The following PYGM variants were observed in gnomAD, a reference collection of about 807,000 sequenced individuals.
PYGM encodes glycogen phosphorylase, muscle associated.
Under a neutral mutation model 99.3 loss-of-function variants are expected in PYGM, and 81 were observed. The ratio of observed to expected loss-of-function variants is 0.82; its 90% confidence interval spans 0.68 to 0.98. PYGM has a LOEUF of 0.98. Among genes scored for constraint, PYGM ranks in the 50% least tolerant of loss-of-function variants. The pLI is 0.00. For synonymous variants in PYGM, 436 were observed against 451.5 expected (o/e 0.97, Z 0.44); for missense variants, 1,030 against 1,158.1 (o/e 0.89, Z 1.61).
chr11:64,753,397 C>T (rs1434515967), intron 11 of PYGM, 122 bp downstream of exon 11: 3 of 1,388,296 alleles, frequency 2.2e-6, no homozygotes, highest in Admixed American at 2.1e-5. Context: ...ATGACGCCAC[C>T]TGTGAAAGGC....
rs753533515 is a variant in PYGM, at chr11:64,757,781, G to T, written c.658C>A (p.Gln220Lys). The T allele has an allele frequency of 4.1e-5, 66 of 1,613,992 alleles. No homozygotes were observed. Among genetic ancestry groups the T allele is most frequent in the Non-Finnish European group, 5.2e-5 (61 of 1,180,012 alleles). The change falls in exon 5 of 20, where the codon CAG (glutamine) becomes AAG (lysine). Residue 220 changes from glutamine to lysine, a missense_variant and splice_region_variant. Transcript: ENST00000164139. ...CTGACCCCCAGCTTCATCCTCACCT[G>T]TGTGTCCACCCACTTGGCACCCTGG... ...TSQGAKWVDT[Q>K]VVLAMPYDTP...
At position 64,758,525 on chromosome 11, in the gene PYGM, T is replaced by C; in HGVS notation, c.346-10A>G. The C allele has an allele frequency of 1.2e-6, 2 of 1,613,630 alleles. No homozygotes were observed. Among genetic ancestry groups the C allele is most frequent in the Non-Finnish European group, 1.7e-6 (2 of 1,179,852 alleles). On this transcript the variant is annotated splice_polypyrimidine_tract_variant and intron_variant, in intron 2 of 19. Transcript: ENST00000164139. ...CCATGTCCAGGCCCAGCTGGAGGAG[T>C]GAGGGTGACAGTGGTCAGGGTCAAG...
intron 16 of PYGM, 112 bp downstream of exon 16, chr11:64,751,213 C>T (rs1218879799): frequency 2.9e-5 from 43 of 1,490,612 alleles, no homozygotes; most frequent in Non-Finnish European, 3.5e-5. Flanking sequence ...TAAGCATTGC[C>T]CTCTCCAGAT....
At chr11:64,747,169 A>G in intron 18 of PYGM, 55 bp downstream of exon 18, 1 of 1,605,790 alleles carries the variant, frequency 6.2e-7, no homozygotes, top group African/African-American at 1.3e-5. Context: ...CACACACCTG[A>G]GCCTCGATCT....
In PYGM at chr11:64,754,203, A is replaced by G. The variant is rs760948627; in HGVS notation, c.1092+50T>C. 30 of 1,587,962 alleles carry G rather than the reference A, an allele frequency of 1.9e-5. No individual in the cohort carries two copies. Among genetic ancestry groups the G allele is most frequent in the Non-Finnish European group, 2.6e-5 (30 of 1,156,934 alleles). ...TCCCACGCTCCCAAACTGGGAAGGG[A>G]ACCCCGAGGCAGAGAGCATCAGATG... On this transcript the variant is annotated intron_variant, in intron 9 of 19. Coordinates refer to ENST00000164139, the MANE Select transcript of PYGM (RefSeq NM_005609.4). The surrounding 1 kb of genome is among the most constrained non-coding windows in gnomAD (Gnocchi z 5.5).
chr11:64,754,897 G>C lies in PYGM; in HGVS notation c.856-61C>G. ...TGGGGGCATGGCCTAAAGCTGCGGTGGGTGTGGCCAGGAGGGACTCCCACC... is the reference window on the plus strand; with the variant it reads ...TGGGGGCATGGCCTAAAGCTGCGGTCGGTGTGGCCAGGAGGGACTCCCACC... On this transcript the variant is annotated intron_variant, in intron 7 of 19. Coordinates refer to ENST00000164139, the MANE Select transcript of PYGM (RefSeq NM_005609.4). The surrounding 1 kb of genome is among the most constrained non-coding windows in gnomAD (Gnocchi z 5.5). 1 of 1,601,180 alleles carries C rather than the reference G, an allele frequency of 6.2e-7. No homozygotes were observed. The highest frequency in any genetic ancestry group is 1.1e-5 in the South Asian group (1 of 90,218).
In PYGM at chr11:64,758,432, C is replaced by T. The variant is rs753004994; in HGVS notation, c.424+5G>A. 5 of 1,613,688 alleles carry T rather than the reference C, an allele frequency of 3.1e-6. No homozygotes were observed. The African/African-American group carries it at 4.0e-5, about 13-fold the overall frequency. On this transcript the variant is annotated splice_donor_5th_base_variant and intron_variant, in intron 3 of 19. Transcript: ENST00000164139. Reference sequence around the variant, plus strand: ...CACTCCACCCTCACGGCCCTGTCTTCTTACCTGCCAGCCGGCCCAGGCCCC... The same window carrying T: ...CACTCCACCCTCACGGCCCTGTCTTTTTACCTGCCAGCCGGCCCAGGCCCC...
chr11:64,747,085 G>A (rs2058317092), intron 18 of PYGM, 98 bp from the exon 19 acceptor site: 8 of 1,567,134 alleles, frequency 5.1e-6, no homozygotes, highest in Admixed American at 1.7e-5. Flanking sequence ...GTGGACAGCC[G>A]GGGACCTAGA....
upstream of PYGM, among the ~76,000 whole-genome samples, chr11:64,760,619 AC>A (rs1297054393): frequency 6.6e-6 from 1 of 152,238 alleles, no homozygotes; most frequent in Non-Finnish European, 1.5e-5. Context: ...AGCCTGCAGC[AC>A]GGGGCCCTGG....
chr11:64,751,249 G>A, intron 16 of PYGM, 76 bp downstream of exon 16: 1 of 1,591,754 alleles, frequency 6.3e-7, no homozygotes, highest in Non-Finnish European at 8.6e-7. Flanking sequence ...AAGTATCCCA[G>A]GAAGAGACGA....
chr11:64,755,691 G>C lies in PYGM; in HGVS notation c.661-133C>G, dbSNP rs1485375384. The C allele has an allele frequency of 3.7e-5, 26 of 711,302 alleles. No individual in the cohort carries two copies. Among genetic ancestry groups the C allele is most frequent in the Non-Finnish European group, 2.4e-6 (1 of 412,470 alleles). The allele number at this position is 711,302 out of a possible 1,614,324, so 44.1% of individuals were successfully genotyped here. A position where few individuals can be genotyped will look rare whatever the true frequency, so the allele number is the denominator to read the frequency against. ...TGTCCTTGTCTAGCATCGATGAGCT[G>C]GGTAACCATGAGCAAACCCCATAGT... On this transcript the variant is annotated intron_variant, in intron 5 of 19. Coordinates refer to ENST00000164139, the MANE Select transcript of PYGM (RefSeq NM_005609.4). The surrounding 1 kb of genome is among the most constrained non-coding windows in gnomAD (Gnocchi z 4.1).
intron 17 of PYGM, 133 bp from the exon 18 acceptor site, chr11:64,747,491 G>A (rs1053298311): frequency 1.2e-5 from 14 of 1,172,738 alleles, no homozygotes; most frequent in East Asian, 2.5e-5. Flanking sequence ...CTGCCACATC[G>A]CCCCTGCAGG....
rs967542672 is a variant in PYGM, at chr11:64,755,853, G to C, written c.661-295C>G. On this transcript the variant is annotated intron_variant, in intron 5 of 19. Transcript: ENST00000164139. The surrounding 1 kb of genome is among the most constrained non-coding windows in gnomAD (Gnocchi z 4.1). The stretch of plus-strand genomic sequence containing the variant: ...GGAACCCAGGAGGGGCTCTGTTGGC[G>C]ACCACTCTGCAGCAATGGGGGCTGG... 3.3e-5 allele frequency among the ~76,000 whole-genome samples: 5 copies of C among 152,146 alleles called. No homozygotes were observed. The highest frequency in any genetic ancestry group is 1.2e-4 in the African/African-American group (5 of 41,428).
Position 64,759,727 on chromosome 11 carries a change from G to A in PYGM, c.172C>T (p.His58Tyr). The A allele has an allele frequency of 6.2e-7, 1 of 1,614,226 alleles. No individual in the cohort carries two copies. Among genetic ancestry groups the A allele is most frequent in the South Asian group, 1.1e-5 (1 of 91,084 alleles). The change falls in exon 1 of 20, where the codon CAT becomes TAT. Residue 58 changes from histidine to tyrosine, a missense_variant. By Grantham distance (83) the His-to-Tyr change is moderately conservative. Coordinates refer to ENST00000164139, the MANE Select transcript of PYGM (RefSeq NM_005609.4). ...TPRDYYFALAHTVRDHLVGRW... is the reference protein window; with the variant it reads ...TPRDYYFALAYTVRDHLVGRW... ...CCCACGAGGTGGTCGCGCACGGTAT[G>A]GGCCAGAGCAAAGTAGTAGTCTCGT...
chr11:64,751,203 T>C, intron 16 of PYGM, 122 bp downstream of exon 16: 1 of 1,450,384 alleles, frequency 6.9e-7, no homozygotes, highest in Non-Finnish European at 9.4e-7. Flanking sequence ...CCTCATGGTT[T>C]AAGCATTGCC....
Position 64,754,728 on chromosome 11 carries a change from G to C in PYGM, c.964C>G (p.Pro322Ala), listed in dbSNP as rs150569465. 2.5e-6 allele frequency: 4 copies of C among 1,613,670 alleles called. No homozygotes were observed. In the African/African-American group the frequency reaches 5.3e-5, roughly 22 times the overall value. ...AAGGCATCGAAGTTCGTGCGCACGG[G>C]ATCACGGCAGCCGAACTTGGAAGAC... ...FKSSKFGCRD[P>A]VRTNFDAFPD... The change falls in exon 8 of 20, where the codon CCC becomes GCC. Residue 322 changes from proline (P) to alanine (A), a missense_variant. Transcript: ENST00000164139. This position sits in a 1 kb window ranked among gnomAD's most constrained non-coding sequence, Gnocchi z 5.5.
chr11:64,746,532 GA>G lies in PYGM; in HGVS notation c.*126del, dbSNP rs1467347499. 1.5e-6 allele frequency: 2 copies of G among 1,336,132 alleles called. No homozygotes were observed. Among genetic ancestry groups the G allele is most frequent in the East Asian group, 2.3e-5 (1 of 42,870 alleles). 82.8% of individuals were successfully genotyped at this position (1,336,132 alleles called of 1,614,324 possible). On this transcript the variant is annotated 3_prime_UTR_variant, in exon 20 of 20. Transcript: ENST00000164139. ...TGGACACTGGGACATTGAGAGTGGG[GA>G]AAATGAGGGTTCCAGGAGGGGCTTA... is the stretch of plus-strand genomic sequence containing the variant.
At position 64,758,524 on chromosome 11, in the gene PYGM, G is replaced by A. The variant is rs368998655; in HGVS notation, c.346-9C>T. On this transcript the variant is annotated splice_polypyrimidine_tract_variant and intron_variant, in intron 2 of 19. Transcript: ENST00000164139. ...TCCATGTCCAGGCCCAGCTGGAGGAGTGAGGGTGACAGTGGTCAGGGTCAA... is the reference window on the plus strand; with the variant it reads ...TCCATGTCCAGGCCCAGCTGGAGGAATGAGGGTGACAGTGGTCAGGGTCAA... The A allele has an allele frequency of 3.7e-6, 6 of 1,614,028 alleles. No homozygotes were observed. The African/African-American group carries it at 6.7e-5, about 18-fold the overall frequency.
chr11:64,746,788 C>T lies in PYGM; in HGVS notation c.2400G>A (p.Arg800=), dbSNP rs1555133225. Residue 800 remains arginine, a synonymous_variant, in exon 20 of 20, where the codon CGG becomes CGA. Transcript: ENST00000164139. ...ALYKNPREWT[R]MVIRNIATSG... ...AGGTGGCTATGTTCCGGATCACCAT[C>T]CGCGTCCACTCTCTTGGGTTCTGCA... 1 of 1,614,162 alleles carries T rather than the reference C, an allele frequency of 6.2e-7. No individual in the cohort carries two copies.
Sources: gnomAD v4.1 joint callset for allele counts (sites outside exome capture counted in the v4.1 genomes callset) on GRCh38, gnomAD v4.1.1 for gene constraint, Gnocchi (gnomAD v3.1) non-coding constraint, MANE v1.5 for transcripts, NCBI Gene and HGNC (gene_info 2026-07-23, HGNC 2026-07-21) for gene names.